GALK2: variants seen among roughly 807,000 people sequenced by gnomAD.
GALK2 encodes the protein N-acetylgalactosamine kinase.
Under a neutral mutation model 52.4 loss-of-function variants are expected in GALK2, and 36 were observed. The ratio of observed to expected loss-of-function variants is 0.69; its 90% CI spans 0.53 to 0.91. The LOEUF (loss-of-function observed/expected upper bound fraction) is 0.91, where lower values mean the gene tolerates loss of function less well. GALK2 is among the 40% of genes least tolerant of loss of function. GALK2 has a pLI of 0.00. For synonymous variants in GALK2, 176 were observed against 199.1 expected, an observed-to-expected ratio of 0.88 and a Z score of 0.98; for missense variants, 579 against 559.1, an observed-to-expected ratio of 1.04 and a Z score of -0.36.
intron 5 of GALK2, among the ~76,000 whole-genome samples, chr15:49,280,242 A>G (rs2032490938): frequency 6.6e-6 from 1 of 152,222 alleles, no homozygotes; most frequent in Admixed American, 6.5e-5. Flanking sequence ...AAGCATATTC[A>G]ATACATGATA....
intron 3 of GALK2, among the ~76,000 whole-genome samples, chr15:49,220,274 A>G (rs2089701681): frequency 6.6e-6 from 1 of 151,924 alleles, no homozygotes; most frequent in Non-Finnish European, 1.5e-5. Flanking sequence ...TTCACTGACC[A>G]TTCCTCACCT....
At chr15:49,231,000 T>G (rs910700730) in intron 3 of GALK2, among the ~76,000 whole-genome samples, 2 of 149,406 alleles carry the variant, frequency 1.3e-5, no homozygotes, top group Non-Finnish European at 3.0e-5. Context: ...CAAAAAGCAG[T>G]TTTTTTTTGT....
At chr15:49,206,960 T>C (rs2141333845) in intron 2 of GALK2, among the ~76,000 whole-genome samples, 1 of 152,338 alleles carries the variant, frequency 6.6e-6, no homozygotes, top group East Asian at 1.9e-4. Context: ...TTCAATATTA[T>C]GTTGGCTGTG....
intron 3 of GALK2, among the ~76,000 whole-genome samples, chr15:49,337,580 G>T (rs1170247527): frequency 7.2e-6 from 1 of 139,546 alleles, no homozygotes; most frequent in African/African-American, 2.8e-5. Context: ...GAACATGCAG[G>T]TTTGTTACAT....
At chr15:49,283,829 T>C in intron 7 of GALK2, 111 bp downstream of exon 7, 1 of 1,046,518 alleles carries the variant, frequency 9.6e-7, no homozygotes, top group Non-Finnish European at 1.4e-6. Context: ...ACATTCTGAC[T>C]GCACAGCATT....
chr15:49,332,596 A>ACAT (rs1255434955), downstream of GALK2, among the ~76,000 whole-genome samples: 1 of 152,220 alleles, frequency 6.6e-6, no homozygotes, highest in East Asian at 1.9e-4. Flanking sequence ...AGAAGGAGAA[A>ACAT]CATTAGTAAA....
At chr15:49,358,284 A>G (rs988072118) in intron 3 of GALK2, among the ~76,000 whole-genome samples, 1 of 136,408 alleles carries the variant, frequency 7.3e-6, no homozygotes, top group African/African-American at 2.8e-5. Context: ...TTAGGAAAAG[A>G]GGAAGTCAAA....
intron 3 of GALK2, among the ~76,000 whole-genome samples, chr15:49,347,307 G>T (rs1402806295): frequency 6.6e-6 from 1 of 152,202 alleles, no homozygotes; most frequent in East Asian, 1.9e-4. Context: ...CAACATTTTT[G>T]AAGTAGGAGA....
rs138250523 is a variant in GALK2 at position 49,282,027 on chromosome 15, T to C, written c.545T>C (p.Ile182Thr). The C allele has an allele frequency of 1.5e-5, 25 of 1,613,732 alleles. No individual in the cohort carries two copies. The highest frequency in any genetic ancestry group is 2.1e-5 in the Non-Finnish European group (25 of 1,179,832). The change falls in exon 6 of 10, where the codon ATT becomes ACT. Residue 182 changes from isoleucine to threonine, a missense_variant. Ile to Thr is a moderately conservative substitution (Grantham distance 89). Coordinates refer to ENST00000560031, the MANE Select transcript of GALK2 (RefSeq NM_002044.4). ...ATCTGTGCCAAGAGTGAGCGTTACA[T>C]TGGCACTGAAGGAGGAGGCATGGAC... ...AEICAKSERY[I>T]GTEGGGMDQS...
intron 8 of GALK2, among the ~76,000 whole-genome samples, chr15:49,307,487 A>G (rs1272746887): frequency 6.6e-6 from 1 of 152,178 alleles, no homozygotes; most frequent in Non-Finnish European, 1.5e-5. Context: ...AGGTAGTGCA[A>G]TGGTACAGAC....
chr15:49,195,223 C>T, intron 1 of GALK2: 1 of 381,456 alleles, frequency 2.6e-6, no homozygotes, highest in Non-Finnish European at 5.1e-6. Flanking sequence ...AGGTGCGTGC[C>T]ACCATGCTGG....
intron 5 of GALK2, among the ~76,000 whole-genome samples, chr15:49,258,829 T>TGTGTGTGAGA (rs1335491479): frequency 1.3e-3 from 158 of 123,994 alleles, no homozygotes; most frequent in African/African-American, 4.8e-3. Context: ...TGTGTGTGTG[T>TGTGTGTGAGA]GAGAGAGAGA....
intron 8 of GALK2, among the ~76,000 whole-genome samples, chr15:49,310,749 TGTTGA>T (rs1241555762): frequency 6.6e-6 from 1 of 152,166 alleles, no homozygotes; most frequent in Non-Finnish European, 1.5e-5. Flanking sequence ...TTGTTGTTGT[TGTTGA>T]GTTGTTTGAG....
intron 6 of GALK2, 86 bp downstream of exon 6, chr15:49,282,171 G>A: frequency 1.1e-6 from 1 of 907,348 alleles, no homozygotes; most frequent in Non-Finnish European, 1.8e-6. Flanking sequence ...GCCCCAGGAT[G>A]CTTGGTTATG....
intron 2 of GALK2, among the ~76,000 whole-genome samples, chr15:49,212,948 A>G (rs1443379351): frequency 1.3e-5 from 2 of 152,278 alleles, no homozygotes; most frequent in Admixed American, 1.3e-4. Context: ...TATTCTGGGC[A>G]CTGATGAGAA....
At chr15:49,260,683 G>C (rs2092060983) in intron 5 of GALK2, among the ~76,000 whole-genome samples, 3 of 150,304 alleles carry the variant, frequency 2.0e-5, no homozygotes, top group Admixed American at 2.0e-4. Context: ...TTTCTTCTAG[G>C]GTTTTTATGG....
At chr15:49,185,426 C>A (rs1025659748) in intron 1 of GALK2, among the ~76,000 whole-genome samples, 1 of 152,092 alleles carries the variant, frequency 6.6e-6, no homozygotes, top group Non-Finnish European at 1.5e-5. Context: ...TTGTGAATAG[C>A]ACAGCAATGA....
rs10629223 is a variant in GALK2 at position 49,201,053 on chromosome 15, A to AGTGTGTGTGTGT, written c.54-86_54-75dup. 6.0e-4 allele frequency: 241 copies of AGTGTGTGTGTGT among 400,816 alleles called. 1 individual carries two copies. Among genetic ancestry groups the AGTGTGTGTGTGT allele is most frequent in the African/African-American group, 4.9e-3 (226 of 46,302 alleles). The allele number at this position is 400,816 out of a possible 1,614,324, so 24.8% of individuals were successfully genotyped here. On this transcript the variant is annotated intron_variant, in intron 1 of 9. Coordinates refer to ENST00000560031, the MANE Select transcript of GALK2 (RefSeq NM_002044.4). The stretch of plus-strand genomic sequence containing the variant: ...ATAATTAATGGTGGCAGGCATATGG[A>AGTGTGTGTGTGT]GTGTGTGTGTGTGTGTGTGTGTGTG...
rs552669762 is a variant in GALK2 at position 49,214,494 on chromosome 15, C to A, written c.143-2696C>A. 7.9e-4 allele frequency among the ~76,000 whole-genome samples: 66 copies of A among 83,486 alleles called. No homozygotes were observed. The Middle Eastern group carries it at 0.021, about 26-fold the overall frequency. 54.8% of individuals were successfully genotyped at this position (83,486 alleles called of 152,430 possible). On this transcript the variant is annotated intron_variant, in intron 2 of 9. Coordinates refer to ENST00000560031, the MANE Select transcript of GALK2 (RefSeq NM_002044.4). Reference sequence around the variant, plus strand: ...TACAGGCACCTGCCACCACACCCGGCTATTTTTTTTTTTTTTTTTGTATTT... The same window carrying A: ...TACAGGCACCTGCCACCACACCCGGATATTTTTTTTTTTTTTTTTGTATTT...
Sources: gnomAD v4.1 joint callset for allele counts (sites outside exome capture counted in the v4.1 genomes callset) on GRCh38, gnomAD v4.1.1 for gene constraint, MANE v1.5 for transcripts, NCBI Gene and HGNC (gene_info 2026-07-23, HGNC 2026-07-21) for gene names.